HUWE1: variants seen among roughly 807,000 people sequenced by gnomAD.
HUWE1 encodes HECT, UBA and WWE domain containing E3 ubiquitin protein ligase 1, also known as E3 ubiquitin-protein ligase HUWE1.
In HUWE1, 18 loss-of-function variants were observed where a neutral mutation model predicts 299.4. The observed-to-expected ratio is 0.06, with a 90% CI of 0.04 to 0.09. The LOEUF (loss-of-function observed/expected upper bound fraction) is 0.09. Ranked by LOEUF, HUWE1 falls within the 10% of genes least tolerant of loss-of-function variation. HUWE1 has a pLI of 1.00. For synonymous variants in HUWE1, 1,317 were observed against 1,286.1 expected (o/e 1.02, Z -0.51); for missense variants, 1,832 against 3,462.3 (o/e 0.53, Z 11.82).
chrX:53,535,434 T>C lies in HUWE1; in HGVS notation c.12599A>G (p.Glu4200Gly). The C allele has an allele frequency of 8.3e-7, 1 of 1,208,874 alleles. No individual in the cohort carries two copies. Among genetic ancestry groups the C allele is most frequent in the Non-Finnish European group, 1.1e-6 (1 of 892,941 alleles). The change falls in exon 81 of 84, where the codon GAG (glutamate) becomes GGG (glycine). Residue 4200 changes from glutamate to glycine, a missense_variant. Around this residue, in one of 15 missense-constraint regions of HUWE1, gnomAD observed 129 missense variants for 439.4 expected, o/e 0.29. Transcript: ENST00000262854. ...GTGTACATACTCCTTCTTATTCTCC[T>C]CTGTTACCAAGATGTTGGCCCCATT... Reference protein sequence around the residue: ...KPNGANILVTEENKKEYVHLV... With the variant: ...KPNGANILVTGENKKEYVHLV...
chrX:53,548,841 G>A (rs1406295731), intron 67 of HUWE1, 118 bp downstream of exon 67: 36 of 609,366 alleles, frequency 5.9e-5, no homozygotes, highest in Non-Finnish European at 8.6e-5. Context: ...AACAATACAG[G>A]GCTCAACACT....
rs782301049 is a variant in HUWE1, at chrX:53,562,073, A to C, written c.7338+38T>G. 7 of 1,211,133 alleles carry C rather than the reference A, an allele frequency of 5.8e-6. No individual in the cohort carries two copies. The East Asian group carries it at 2.1e-4, about 36-fold the overall frequency. On this transcript the variant is annotated intron_variant, in intron 54 of 83. Coordinates refer to ENST00000262854, the MANE Select transcript of HUWE1 (RefSeq NM_031407.7). ...CTGCAGCTCTATGTTCCCATGGAAG[A>C]GGTCATCTGAACCAACCCAAACGCA...
rs782535162 is a variant in HUWE1, at chrX:53,603,537, T to A, written c.2743-36A>T. On this transcript the variant is annotated intron_variant, in intron 26 of 83. Coordinates refer to ENST00000262854, the MANE Select transcript of HUWE1 (RefSeq NM_031407.7). ...AACAAGAATTTCACCTTTGGGATGT[T>A]CTCTGAACAATTATACTTAAAAAAA... 4.2e-6 allele frequency: 5 copies of A among 1,190,387 alleles called. No homozygotes were observed. In the Admixed American group the frequency reaches 1.1e-4, roughly 26 times the overall value.
intron 34 of HUWE1, 92 bp downstream of exon 34, chrX:53,590,908 A>G: frequency 9.4e-7 from 1 of 1,066,255 alleles, no homozygotes; most frequent in Non-Finnish European, 1.3e-6. Context: ...CAGTTTATAG[A>G]AAGGAAGACC....
intron 3 of HUWE1, among the ~76,000 whole-genome samples, chrX:53,669,441 T>C (rs1481032645): frequency 1.8e-5 from 2 of 112,371 alleles, no homozygotes; most frequent in Non-Finnish European, 3.8e-5. Flanking sequence ...ACTCTAGTTC[T>C]CAGCCACCAA....
In HUWE1 at chrX:53,552,301, C is replaced by T. The variant is rs782771283; in HGVS notation, c.8881+10G>A. ...AATCCCAGGATGACCTGGGCATACA[C>T]GGAACTCACCCGCAAGGGGATCTTC... is the stretch of plus-strand genomic sequence containing the variant. On this transcript the variant is annotated intron_variant, in intron 63 of 83. Coordinates refer to ENST00000262854, the MANE Select transcript of HUWE1 (RefSeq NM_031407.7). The T allele has an allele frequency of 8.3e-6, 10 of 1,209,214 alleles. No homozygotes were observed. Among genetic ancestry groups the T allele is most frequent in the African/African-American group, 3.5e-5 (2 of 57,096 alleles).
At chrX:53,624,376 A>G (rs1306839069) in intron 19 of HUWE1, among the ~76,000 whole-genome samples, 12 of 112,215 alleles carry the variant, frequency 1.1e-4, no homozygotes, top group Non-Finnish European at 1.7e-4. Flanking sequence ...AGGCACCTCT[A>G]ATCCCAGCTA....
chrX:53,586,433 C>A, intron 39 of HUWE1, 57 bp downstream of exon 39: 1 of 746,860 alleles, frequency 1.3e-6, no homozygotes, highest in South Asian at 2.2e-5. Flanking sequence ...CTCTTCTGGT[C>A]TACTCTTGCC....
Position 53,682,498 on chromosome X carries a change from A to G in HUWE1, c.-162-2312T>C, listed in dbSNP as rs782587465. ...GATAGGGAATTAACTGCCTATAGTA[A>G]CGGTGGCATGGGGGGAAGAGGAAAT... On this transcript the variant is annotated intron_variant, in intron 2 of 83. Coordinates refer to ENST00000262854, the MANE Select transcript of HUWE1 (RefSeq NM_031407.7). Among the ~76,000 whole-genome samples, 5 of 111,234 alleles carry G rather than the reference A, an allele frequency of 4.5e-5. No homozygotes were observed. In the East Asian group the frequency reaches 8.5e-4, roughly 19 times the overall value.
rs1486183642 is a variant in HUWE1, at chrX:53,554,551, A to G, written c.8494+82T>C. 7 of 1,000,514 alleles carry G rather than the reference A, an allele frequency of 7.0e-6. No individual in the cohort carries two copies. The African/African-American group carries it at 1.3e-4, about 19-fold the overall frequency. 82.5% of individuals were successfully genotyped at this position (1,000,514 alleles called of 1,213,427 possible). On this transcript the variant is annotated intron_variant, in intron 61 of 83. Transcript: ENST00000262854. ...AGTTGAACTCCTACTATTTCTCTCA[A>G]GCAAAAGAGCAAAGAGAAGCTACAA...
chrX:53,660,358 C>A (rs1557044750), intron 3 of HUWE1, among the ~76,000 whole-genome samples: 1 of 112,327 alleles, frequency 8.9e-6, no homozygotes, highest in African/African-American at 3.2e-5. Context: ...AATAAAATAA[C>A]AGAGCCAATA....
At chrX:53,549,913 C>T (rs893285174) in intron 66 of HUWE1, among the ~76,000 whole-genome samples, 1 of 109,960 alleles carries the variant, frequency 9.1e-6, no homozygotes, top group Non-Finnish European at 1.9e-5. Context: ...CCACCACACC[C>T]GACTACTTTT....
chrX:53,609,594 TACA>T (rs1239664504), intron 23 of HUWE1, among the ~76,000 whole-genome samples: 16 of 112,491 alleles, frequency 1.4e-4, no homozygotes, highest in Admixed American at 1.1e-3. Flanking sequence ...ATGAGAAGGC[TACA>T]ACATGCCACA....
At chrX:53,647,051 G>A (rs1458980381) in intron 6 of HUWE1, among the ~76,000 whole-genome samples, 1 of 111,755 alleles carries the variant, frequency 8.9e-6, no homozygotes, top group African/African-American at 3.3e-5. Context: ...TAAAAGTAAT[G>A]TGGGGCTGCT....
intron 12 of HUWE1, among the ~76,000 whole-genome samples, chrX:53,630,500 G>C (rs1402792739): frequency 1.8e-5 from 2 of 110,633 alleles, no homozygotes; most frequent in Non-Finnish European, 3.8e-5. Context: ...ACAAAACCAC[G>C]TGTTTTCCAT....
chrX:53,604,696 T>C lies in HUWE1; in HGVS notation c.2635A>G (p.Asn879Asp), dbSNP rs1041060788. Residue 879 changes from asparagine to aspartate, a missense_variant, in exon 26 of 84, where the codon AAT becomes GAT. By Grantham distance (23) the Asn-to-Asp change is conservative. Transcript: ENST00000262854. ...GCTGAGAGGGTAGCATCAGCAACAT[T>C]GCCTGCGCAAGCCAGTTCTCGCAAC... Reference protein sequence around the residue: ...VLLRELACAGNVADATLSAQA... With the variant: ...VLLRELACAGDVADATLSAQA... 1.7e-6 allele frequency: 2 copies of C among 1,210,153 alleles called. No homozygotes were observed. The highest frequency in any genetic ancestry group is 3.5e-5 in the African/African-American group (2 of 57,173).
At chrX:53,581,238 T>C (rs1390012147) in intron 42 of HUWE1, among the ~76,000 whole-genome samples, 2 of 112,195 alleles carry the variant, frequency 1.8e-5, no homozygotes, top group Non-Finnish European at 3.8e-5. Context: ...CCAGACTGCA[T>C]GTGATCTTTA....
intron 47 of HUWE1, among the ~76,000 whole-genome samples, chrX:53,572,386 CTATT>C (rs1385962427): frequency 7.2e-5 from 8 of 111,695 alleles, no homozygotes; most frequent in African/African-American, 1.3e-4. Flanking sequence ...GAAAAACAGA[CTATT>C]TAAGATTTGT....
At position 53,546,417 on chromosome X, in the gene HUWE1, G is replaced by A. The variant is rs2061543230; in HGVS notation, c.10915+19C>T. On this transcript the variant is annotated intron_variant, in intron 70 of 83. Transcript: ENST00000262854. ...GTGGAAACCTTCAGAAAGAGAAAAT[G>A]CTTTACTTCTGCTATTACCTATTTG... 1 of 1,199,934 alleles carries A rather than the reference G, an allele frequency of 8.3e-7. No homozygotes were observed. The highest frequency in any genetic ancestry group is 1.1e-6 in the Non-Finnish European group (1 of 886,375).
Sources: gnomAD v4.1 joint callset for allele counts (sites outside exome capture counted in the v4.1 genomes callset) on GRCh38, gnomAD v4.1.1 for gene constraint, gnomAD v4.1.1 regional missense constraint, MANE v1.5 for transcripts, NCBI Gene and HGNC (gene_info 2026-07-23, HGNC 2026-07-21) for gene names.